ULK4: variants seen among roughly 807,000 people sequenced by gnomAD.
The protein encoded by ULK4 is unc-51 like kinase 4.
Under a neutral mutation model 160.6 loss-of-function variants are expected in ULK4, and 133 were observed. The observed-to-expected ratio is 0.83, with a 90% CI of 0.72 to 0.96. ULK4 has a LOEUF of 0.96. Ranked by LOEUF, ULK4 falls within the 40% of genes least tolerant of loss-of-function variation. The probability of loss-of-function intolerance (pLI) is 0.00; values close to 1 mark genes in which losing one functional copy is unlikely to be tolerated. For missense variants in ULK4, 1,580 were observed against 1,499.5 expected (o/e 1.05, Z -0.89); for synonymous variants, 534 against 539.8 (o/e 0.99, Z 0.15).
At chr3:41,890,759 C>T (rs1289580618) in intron 16 of ULK4, among the ~76,000 whole-genome samples, 2 of 7,208 alleles carry the variant, frequency 2.8e-4, no homozygotes, top group African/African-American at 1.5e-3. Context: ...ACGGGAGGGA[C>T]GGGAGGGACG....
intron 31 of ULK4, among the ~76,000 whole-genome samples, chr3:41,578,956 G>A (rs6772588): frequency 0.097 from 14,819 of 152,136 alleles, 2,441 homozygotes; most frequent in African/African-American, 0.34. Context: ...GAAATCAGGC[G>A]CAACCCAACC....
chr3:41,520,650 G>A (rs186982307), intron 32 of ULK4, among the ~76,000 whole-genome samples: 19 of 152,196 alleles, frequency 1.2e-4, no homozygotes, highest in Middle Eastern at 3.4e-3. Flanking sequence ...TTTCCACAGC[G>A]GCTGAACCAT....
At chr3:41,603,191 A>C (rs1171409194) in intron 31 of ULK4, among the ~76,000 whole-genome samples, 1 of 152,134 alleles carries the variant, frequency 6.6e-6, no homozygotes, top group Non-Finnish European at 1.5e-5. Context: ...TATCAGAAAA[A>C]ATAAACTTCA....
intron 12 of ULK4, among the ~76,000 whole-genome samples, chr3:41,901,456 A>G (rs1698356757): frequency 7.7e-6 from 1 of 130,190 alleles, no homozygotes; most frequent in Non-Finnish European, 1.6e-5. Context: ...CTGGGATTAC[A>G]GGCGTGAGCC....
intron 34 of ULK4, among the ~76,000 whole-genome samples, chr3:41,443,853 C>A (rs1463771447): frequency 6.6e-6 from 1 of 151,820 alleles, no homozygotes; most frequent in Non-Finnish European, 1.5e-5. Context: ...CAAATATTTT[C>A]CCATATGATT....
chr3:41,857,535 G>T (rs1318405152), intron 17 of ULK4, among the ~76,000 whole-genome samples: 1 of 152,080 alleles, frequency 6.6e-6, no homozygotes, highest in Non-Finnish European at 1.5e-5. Context: ...GAGTAGGATT[G>T]GTATCAGTTG....
At chr3:41,415,399 T>C (rs969436900) in intron 34 of ULK4, among the ~76,000 whole-genome samples, 14 of 152,134 alleles carry the variant, frequency 9.2e-5, no homozygotes, top group African/African-American at 2.9e-4. Context: ...CCTACAATCT[T>C]GTGCCCCTAC....
chr3:41,959,937 G>A (rs1015752935), intron 1 of ULK4, among the ~76,000 whole-genome samples: 2 of 152,106 alleles, frequency 1.3e-5, no homozygotes, highest in African/African-American at 4.8e-5. Flanking sequence ...GTCTACATTA[G>A]GATATCTCAG....
intron 35 of ULK4, among the ~76,000 whole-genome samples, chr3:41,382,903 T>A (rs1338235299): frequency 6.6e-6 from 1 of 152,146 alleles, no homozygotes; most frequent in Non-Finnish European, 1.5e-5. Flanking sequence ...ATAATGTGGA[T>A]ATTTGTTATT....
intron 32 of ULK4, among the ~76,000 whole-genome samples, chr3:41,544,070 G>A (rs372937664): frequency 2.0e-5 from 3 of 152,054 alleles, no homozygotes; most frequent in African/African-American, 4.8e-5. Flanking sequence ...TGTATAGGCC[G>A]TATTTTCCTA....
chr3:41,663,740 A>T (rs2035262499), intron 29 of ULK4, 41 bp from the exon 30 acceptor site: 1 of 1,522,314 alleles, frequency 6.6e-7, no homozygotes, highest in Non-Finnish European at 9.1e-7. Flanking sequence ...CAGTAGGAAA[A>T]ATTATGTCCA....
intron 22 of ULK4, among the ~76,000 whole-genome samples, chr3:41,735,714 A>ATTAT (rs1193815766): frequency 2.0e-5 from 3 of 147,500 alleles, no homozygotes; most frequent in Admixed American, 6.7e-5. Context: ...TATTATTATT[A>ATTAT]TACTTTAAGT....
chr3:41,723,852 G>T (rs1188382637), intron 22 of ULK4, among the ~76,000 whole-genome samples: 1 of 152,194 alleles, frequency 6.6e-6, no homozygotes, highest in Non-Finnish European at 1.5e-5. Flanking sequence ...TGGGACTCTG[G>T]TAGCCCAGTC....
At chr3:41,303,586 T>G (rs1021556109) in intron 35 of ULK4, among the ~76,000 whole-genome samples, 4 of 152,178 alleles carry the variant, frequency 2.6e-5, no homozygotes, top group African/African-American at 9.7e-5. Context: ...CAAATGGAAG[T>G]GAGTTTCTGC....
intron 30 of ULK4, among the ~76,000 whole-genome samples, chr3:41,639,355 A>T (rs2034090755): frequency 6.6e-6 from 1 of 152,242 alleles, no homozygotes; most frequent in Non-Finnish European, 1.5e-5. Flanking sequence ...AGTTCAAAAT[A>T]CCTGAAAGAC....
In ULK4 at chr3:41,715,222, T is replaced by C. The variant is rs372873982; in HGVS notation, c.2634+15A>G. ...ACAATTTTATTAGAAACAAGGAAAATTTCGTGTTACTCACAAGAATAGTTC... is the reference window on the plus strand; with the variant it reads ...ACAATTTTATTAGAAACAAGGAAAACTTCGTGTTACTCACAAGAATAGTTC... On this transcript the variant is annotated intron_variant, in intron 25 of 36. Coordinates refer to ENST00000301831, the MANE Select transcript of ULK4 (RefSeq NM_017886.4). The C allele has an allele frequency of 4.3e-5, 69 of 1,607,748 alleles. No homozygotes were observed. The African/African-American group carries it at 8.3e-4, about 19-fold the overall frequency.
intron 19 of ULK4, among the ~76,000 whole-genome samples, chr3:41,812,678 A>G (rs2040852242): frequency 6.6e-6 from 1 of 152,128 alleles, no homozygotes; most frequent in Non-Finnish European, 1.5e-5. Flanking sequence ...TGTGCCAATG[A>G]TCTTCCATGT....
At chr3:41,537,097 C>G (rs893652619) in intron 32 of ULK4, among the ~76,000 whole-genome samples, 10 of 152,290 alleles carry the variant, frequency 6.6e-5, no homozygotes, top group Admixed American at 1.3e-4. Flanking sequence ...GCACTCATCT[C>G]CATCAAGGTG....
chr3:41,497,270 C>A, intron 32 of ULK4, among the ~76,000 whole-genome samples: 1 of 151,654 alleles, frequency 6.6e-6, no homozygotes. Context: ...CTAGAAATGG[C>A]AGGAAAAAAA....
Sources: allele counts gnomAD v4.1 joint callset (sites outside exome capture counted in the v4.1 genomes callset), GRCh38; gene constraint gnomAD v4.1.1; transcripts MANE v1.5; gene names NCBI Gene and HGNC (gene_info 2026-07-23, HGNC 2026-07-21).